PACS1: variants seen among roughly 807,000 people sequenced by gnomAD.
PACS1 encodes PACS-1.
PACS1 carries 24 observed loss-of-function variants against 115.0 expected under a neutral mutation model. That is an observed-to-expected ratio of 0.21 (90% CI 0.15 to 0.29). The LOEUF (loss-of-function observed/expected upper bound fraction) is 0.29, where lower values mean the gene tolerates loss of function less well. Ranked by LOEUF, PACS1 falls within the 10% of genes least tolerant of loss-of-function variation. The probability of loss-of-function intolerance (pLI) is 1.00; values close to 1 mark genes in which losing one functional copy is unlikely to be tolerated. For missense variants in PACS1, 838 were observed against 1,251.2 expected, an observed-to-expected ratio of 0.67 and a Z score of 4.98; for synonymous variants, 453 against 504.5, an observed-to-expected ratio of 0.90 and a Z score of 1.37.
intron 1 of PACS1, among the ~76,000 whole-genome samples, chr11:66,176,261 G>A (rs550680711): frequency 2.0e-5 from 3 of 152,276 alleles, no homozygotes; most frequent in African/African-American, 7.2e-5. Flanking sequence ...AGTCTGCAAT[G>A]TCTGTTGTTC....
At chr11:66,146,127 AAAAC>A (rs1404199605) in intron 1 of PACS1, among the ~76,000 whole-genome samples, 1 of 152,148 alleles carries the variant, frequency 6.6e-6, no homozygotes, top group African/African-American at 2.4e-5. Flanking sequence ...AACAAACAGA[AAAAC>A]AAACACTAAT....
At chr11:66,158,223 C>T (rs1471473053) in intron 1 of PACS1, among the ~76,000 whole-genome samples, 4 of 152,226 alleles carry the variant, frequency 2.6e-5, no homozygotes, top group Non-Finnish European at 5.9e-5. Flanking sequence ...CTGGCTTTGG[C>T]TTCCCAAAGT....
rs1031055260 is a variant in PACS1, at chr11:66,233,644, T to C, written c.1839-141T>C. The C allele has an allele frequency of 1.3e-6, 1 of 757,936 alleles. No individual in the cohort carries two copies. The highest frequency in any genetic ancestry group is 1.8e-5 in the African/African-American group (1 of 56,964). The allele number at this position is 757,936 out of a possible 1,614,324, so 47.0% of individuals were successfully genotyped here. Reference sequence around the variant, plus strand: ...AAAGCACTGTGGCTTATTCCCTGTATGATCCTCTCTGTTTTATTTTGTGGA... The same window carrying C: ...AAAGCACTGTGGCTTATTCCCTGTACGATCCTCTCTGTTTTATTTTGTGGA... On this transcript the variant is annotated intron_variant, in intron 15 of 23. Transcript: ENST00000320580. The surrounding 1 kb of genome is among the most constrained non-coding windows in gnomAD (Gnocchi z 4.5).
At position 66,234,163 on chromosome 11, in the gene PACS1, A is replaced by T; in HGVS notation, c.2025A>T (p.Ser675=). 1 of 1,613,990 alleles carries T rather than the reference A, an allele frequency of 6.2e-7. No homozygotes were observed. The highest frequency in any genetic ancestry group is 8.5e-7 in the Non-Finnish European group (1 of 1,179,810). The change falls in exon 17 of 24, where the codon TCA becomes TCT. Residue 675 remains serine, a synonymous_variant. Coordinates refer to ENST00000320580, the MANE Select transcript of PACS1 (RefSeq NM_018026.4). Reference sequence around the variant, plus strand: ...ACCCTGTGGCCAAATACTTGGGGTCAGTCGACAGTAAATACAGTAGTTCCT... The same window carrying T: ...ACCCTGTGGCCAAATACTTGGGGTCTGTCGACAGTAAATACAGTAGTTCCT... ...GSHPVAKYLG[S]VDSKYSSSFL... is the part of the protein sequence containing the mutation.
chr11:66,108,400 G>A (rs988508686), intron 1 of PACS1, among the ~76,000 whole-genome samples: 3 of 152,050 alleles, frequency 2.0e-5, no homozygotes, highest in Non-Finnish European at 2.9e-5. Flanking sequence ...ATCTCCAAAT[G>A]CAGTCACTTT....
chr11:66,113,307 A>G (rs777415725), intron 1 of PACS1, among the ~76,000 whole-genome samples: 1 of 152,200 alleles, frequency 6.6e-6, no homozygotes, highest in Non-Finnish European at 1.5e-5. Flanking sequence ...TCTCCTAGCT[A>G]CCTGCTGACT....
chr11:66,076,708 G>C (rs185639660), intron 1 of PACS1, among the ~76,000 whole-genome samples: 2 of 152,292 alleles, frequency 1.3e-5, no homozygotes, highest in East Asian at 3.9e-4. Flanking sequence ...TGGACTTGAA[G>C]GTGTTGATGT....
chr11:66,109,639 T>G (rs1366741198), intron 1 of PACS1, among the ~76,000 whole-genome samples: 1 of 152,222 alleles, frequency 6.6e-6, no homozygotes, highest in African/African-American at 2.4e-5. Flanking sequence ...AGCCTTTATC[T>G]TCCACATTTT....
Position 66,216,506 on chromosome 11 carries a change from G to C in PACS1, c.806-14G>C, listed in dbSNP as rs775921044. On this transcript the variant is annotated splice_polypyrimidine_tract_variant and intron_variant, in intron 5 of 23. Transcript: ENST00000320580. ...TCCCATTGCAAGGTTATCTTACTCAGGTGTCTGTTGCAGATCGTTCTCCTG... is the reference window on the plus strand; with the variant it reads ...TCCCATTGCAAGGTTATCTTACTCACGTGTCTGTTGCAGATCGTTCTCCTG... 1 of 1,606,088 alleles carries C rather than the reference G, an allele frequency of 6.2e-7. No individual in the cohort carries two copies.
chr11:66,240,140 G>A (rs1855781788), intron 21 of PACS1, among the ~76,000 whole-genome samples: 1 of 152,250 alleles, frequency 6.6e-6, no homozygotes, highest in Admixed American at 6.5e-5. Flanking sequence ...GCACAGTGAG[G>A]CAGCCCTGCT....
At chr11:66,183,638 C>G (rs1456752683) in intron 1 of PACS1, among the ~76,000 whole-genome samples, 1 of 152,160 alleles carries the variant, frequency 6.6e-6, no homozygotes, top group Non-Finnish European at 1.5e-5. Flanking sequence ...CAGGAAGGTT[C>G]TTTGCTTTGC....
At chr11:66,122,660 G>A (rs1452166829) in intron 1 of PACS1, among the ~76,000 whole-genome samples, 2 of 152,174 alleles carry the variant, frequency 1.3e-5, no homozygotes, top group African/African-American at 4.8e-5. Flanking sequence ...AGGTGCTCAC[G>A]ACTTCAGTGG....
At chr11:66,177,605 G>GT (rs962900128) in intron 1 of PACS1, among the ~76,000 whole-genome samples, 5 of 151,746 alleles carry the variant, frequency 3.3e-5, no homozygotes, top group South Asian at 4.2e-4. Flanking sequence ...TTCCTGTAAG[G>GT]TTTTTTTTGT....
rs529057569 is a variant in PACS1, at chr11:66,143,714, A to G, written c.357-49772A>G. Among the ~76,000 whole-genome samples, 331 of 152,192 alleles carry G rather than the reference A, an allele frequency of 2.2e-3. 2 individuals are homozygous for G. The highest frequency in any genetic ancestry group is 4.3e-3 in the Non-Finnish European group (290 of 68,006). On this transcript the variant is annotated intron_variant, in intron 1 of 23. Transcript: ENST00000320580. The stretch of plus-strand genomic sequence containing the variant: ...GAGTGCAGTGGCACAATCTCGGCTC[A>G]TTGCAACCTCTGCCTCCTGGGTTCA...
At chr11:66,120,249 C>A (rs1462447132) in intron 1 of PACS1, among the ~76,000 whole-genome samples, 11 of 151,134 alleles carry the variant, frequency 7.3e-5, no homozygotes. Flanking sequence ...CTGTGTGCCA[C>A]CACTCTCGGC....
At chr11:66,166,550 T>G (rs894271421) in intron 1 of PACS1, among the ~76,000 whole-genome samples, 5 of 150,848 alleles carry the variant, frequency 3.3e-5, no homozygotes, top group Non-Finnish European at 4.4e-5. Context: ...TCATCTTCTT[T>G]TTTAAAGTTT....
chr11:66,134,566 AT>A (rs11349988), intron 1 of PACS1, among the ~76,000 whole-genome samples: 36,625 of 150,248 alleles, frequency 0.24, 4,848 homozygotes, highest in East Asian at 0.43. Context: ...TTTTTGATGT[AT>A]TTTTTTTTCT....
At chr11:66,192,462 G>A (rs563834539) in intron 1 of PACS1, among the ~76,000 whole-genome samples, 3 of 152,368 alleles carry the variant, frequency 2.0e-5, no homozygotes, top group South Asian at 2.1e-4. Context: ...GCCCTGAGGC[G>A]AGAGAGGGTG....
At chr11:66,238,979 GC>G in intron 20 of PACS1, 133 bp downstream of exon 20, 1 of 1,345,724 alleles carries the variant, frequency 7.4e-7, no homozygotes, top group Non-Finnish European at 1.0e-6. Flanking sequence ...GCCTATGGGC[GC>G]CCTCACTCCC....
Sources: allele counts gnomAD v4.1 joint callset (sites outside exome capture counted in the v4.1 genomes callset), GRCh38; gene constraint gnomAD v4.1.1; non-coding constraint Gnocchi (gnomAD v3.1); transcripts MANE v1.5; gene names NCBI Gene and HGNC (gene_info 2026-07-23, HGNC 2026-07-21).